Variants in ERGIC1 observed in about 807,000 individuals in gnomAD.
ERGIC1 encodes the protein endoplasmic reticulum-golgi intermediate compartment 1, also known as endoplasmic reticulum-Golgi intermediate compartment protein 1.
A neutral mutation model predicts 38.3 loss-of-function variants in ERGIC1; 19 were observed. That is an observed-to-expected ratio of 0.50 (90% CI 0.35 to 0.73). The LOEUF (loss-of-function observed/expected upper bound fraction) is 0.73. Ranked by LOEUF, ERGIC1 falls within the 30% of genes least tolerant of loss-of-function variation. The probability of loss-of-function intolerance (pLI) is 0.01; values close to 1 mark genes in which losing one functional copy is unlikely to be tolerated. For missense variants in ERGIC1, 294 were observed against 389.2 expected, an observed-to-expected ratio of 0.76 and a Z score of 2.06; for synonymous variants, 124 against 157.6, an observed-to-expected ratio of 0.79 and a Z score of 1.60.
Position 172,877,463 on chromosome 5 carries a change from T to A in ERGIC1, c.21-11236T>A, listed in dbSNP as rs1278151486. 3.6e-3 allele frequency among the ~76,000 whole-genome samples: 480 copies of A among 134,748 alleles called. 6 individuals are homozygous for A. The highest frequency in any genetic ancestry group is 0.011 in the African/African-American group (404 of 36,418). The allele number at this position is 134,748 out of a possible 152,430, so 88.4% of individuals were successfully genotyped here. A position where few individuals can be genotyped will look rare whatever the true frequency, so the allele number is the denominator to read the frequency against. On this transcript the variant is annotated intron_variant, in intron 1 of 9. Coordinates refer to ENST00000393784, the MANE Select transcript of ERGIC1 (RefSeq NM_001031711.3). ...GTGTATATATATATATATATATTTTTTTTTTTTTTTTTTGAGATGGAGTTT... is the reference window on the plus strand; with the variant it reads ...GTGTATATATATATATATATATTTTATTTTTTTTTTTTTGAGATGGAGTTT...
chr5:172,887,541 T>G (rs1264913012), intron 1 of ERGIC1, among the ~76,000 whole-genome samples: 1 of 152,178 alleles, frequency 6.6e-6, no homozygotes, highest in Admixed American at 6.5e-5. Flanking sequence ...GAAGGTCACA[T>G]GGTGAACGAG....
intron 1 of ERGIC1, among the ~76,000 whole-genome samples, chr5:172,868,770 TAGTG>T (rs750971010): frequency 2.9e-4 from 44 of 152,316 alleles, no homozygotes; most frequent in Admixed American, 9.2e-4. Context: ...AGGATGTTGA[TAGTG>T]AGGGAGGCTG....
At chr5:172,914,891 C>G (rs778584370) in intron 5 of ERGIC1, 53 bp downstream of exon 5, 1 of 1,502,154 alleles carries the variant, frequency 6.7e-7, no homozygotes. Flanking sequence ...CCTGCTGTCT[C>G]CCCGCTCCCT....
intron 1 of ERGIC1, among the ~76,000 whole-genome samples, chr5:172,865,034 T>A (rs1761817595): frequency 6.7e-6 from 1 of 148,230 alleles, no homozygotes; most frequent in Non-Finnish European, 1.5e-5. Context: ...AATATCAAAT[T>A]GCTATAGAAA....
Position 172,914,801 on chromosome 5 carries a change from C to G in ERGIC1, c.338C>G (p.Ala113Gly). Residue 113 changes from alanine to glycine, a missense_variant, in exon 5 of 10, where the codon GCA (alanine) becomes GGA (glycine). This residue lies in a region of ERGIC1 where 163 missense variants were observed against 225.8 expected (regional missense o/e 0.72). Transcript: ENST00000393784. ...ATGAAGATCCCGCTGAACAATGGGG[C>G]AGGCTGCCGCTTCGAGGGGCAGTTC... ...NSMKIPLNNG[A>G]GCRFEGQFSI... 1 of 1,614,210 alleles carries G rather than the reference C, an allele frequency of 6.2e-7. No homozygotes were observed. Among genetic ancestry groups the G allele is most frequent in the Non-Finnish European group, 8.5e-7 (1 of 1,180,050 alleles).
At chr5:172,863,230 C>T (rs1391716904) in intron 1 of ERGIC1, among the ~76,000 whole-genome samples, 4 of 152,186 alleles carry the variant, frequency 2.6e-5, no homozygotes, top group Non-Finnish European at 4.4e-5. Flanking sequence ...GGATTACAGG[C>T]GTGAGCCATC....
chr5:172,903,906 T>C (rs966300465), intron 3 of ERGIC1, among the ~76,000 whole-genome samples: 9 of 151,398 alleles, frequency 5.9e-5, no homozygotes, highest in African/African-American at 2.2e-4. Context: ...CCTGCACTGC[T>C]GTATTTTCTT....
chr5:172,885,266 A>G (rs1047678826), intron 1 of ERGIC1, among the ~76,000 whole-genome samples: 6 of 151,664 alleles, frequency 4.0e-5, no homozygotes, highest in Non-Finnish European at 8.8e-5. Flanking sequence ...ACTAGCTGGG[A>G]CTACAGGCGC....
At chr5:172,913,456 T>C (rs541316395) in intron 4 of ERGIC1, among the ~76,000 whole-genome samples, 1 of 152,368 alleles carries the variant, frequency 6.6e-6, no homozygotes, top group African/African-American at 2.4e-5. Flanking sequence ...GCATTTCCCA[T>C]GTCCTGTGGA....
chr5:172,947,370 A>T (rs141702132), intron 9 of ERGIC1, among the ~76,000 whole-genome samples: 2,612 of 152,056 alleles, frequency 0.017, 76 homozygotes, highest in African/African-American at 0.059. Flanking sequence ...AGAGATGGGG[A>T]TCTCACTGTT....
At chr5:172,842,474 T>C (rs894007406) in intron 1 of ERGIC1, among the ~76,000 whole-genome samples, 6 of 152,230 alleles carry the variant, frequency 3.9e-5, no homozygotes, top group African/African-American at 1.4e-4. Context: ...AATGCTGCAG[T>C]GAGCATGGGA....
rs187927244 is a variant in ERGIC1, at chr5:172,911,369, A to C, written c.250+1608A>C. Among the ~76,000 whole-genome samples, 171 of 152,300 alleles carry C rather than the reference A, an allele frequency of 1.1e-3. 1 individual carries two copies. Among genetic ancestry groups the C allele is most frequent in the African/African-American group, 3.9e-3 (163 of 41,570 alleles). On this transcript the variant is annotated intron_variant, in intron 4 of 9. Coordinates refer to ENST00000393784, the MANE Select transcript of ERGIC1 (RefSeq NM_001031711.3). ...CAGGAGTGACTGTATCTCTGGAACA[A>C]GGAAATTCTTAGTCAGACCAGAGGA...
intron 4 of ERGIC1, among the ~76,000 whole-genome samples, chr5:172,913,932 T>TCTG (rs1364587441): frequency 6.6e-6 from 1 of 152,048 alleles, no homozygotes. Flanking sequence ...ATTCACCCCA[T>TCTG]AAACCCAAAA....
At chr5:172,923,015 G>A (rs900342392) in intron 5 of ERGIC1, among the ~76,000 whole-genome samples, 4 of 152,078 alleles carry the variant, frequency 2.6e-5, no homozygotes, top group East Asian at 3.9e-4. Flanking sequence ...TGGATGGGAC[G>A]TCGGGAGTGA....
At chr5:172,847,119 C>T (rs1761298131) in intron 1 of ERGIC1, among the ~76,000 whole-genome samples, 1 of 152,164 alleles carries the variant, frequency 6.6e-6, no homozygotes, top group South Asian at 2.1e-4. Context: ...GTGCTCCGCT[C>T]CCCCTGGGTA....
chr5:172,857,880 T>C (rs1177676151), intron 1 of ERGIC1, among the ~76,000 whole-genome samples: 1 of 152,124 alleles, frequency 6.6e-6, no homozygotes, highest in Non-Finnish European at 1.5e-5. Flanking sequence ...ATTCGCTCAT[T>C]CATTCATACA....
At position 172,865,128 on chromosome 5, in the gene ERGIC1, C is replaced by T. The variant is rs1761821393; in HGVS notation, c.21-23571C>T. 2.7e-5 allele frequency among the ~76,000 whole-genome samples: 4 copies of T among 146,372 alleles called. No individual in the cohort carries two copies. The Admixed American group carries it at 2.9e-4, about 11-fold the overall frequency. On this transcript the variant is annotated intron_variant, in intron 1 of 9. Transcript: ENST00000393784. ...GGAGTGCAATGGCACGATCTCGGCT[C>T]ACGGCACCCTCTACTTTCTGGGTTC...
chr5:172,903,855 C>G (rs1189183589), intron 3 of ERGIC1, among the ~76,000 whole-genome samples: 1 of 151,882 alleles, frequency 6.6e-6, no homozygotes, highest in Non-Finnish European at 1.5e-5. Flanking sequence ...GGCTTTGAAC[C>G]CTGGTAGCCT....
chr5:172,876,813 A>G (rs1435215548), intron 1 of ERGIC1, among the ~76,000 whole-genome samples: 1 of 152,106 alleles, frequency 6.6e-6, no homozygotes, highest in Non-Finnish European at 1.5e-5. Flanking sequence ...TATAGACAGA[A>G]CCATACCATA....
Sources: gnomAD v4.1 joint callset for allele counts (sites outside exome capture counted in the v4.1 genomes callset) on GRCh38, gnomAD v4.1.1 for gene constraint, gnomAD v4.1.1 regional missense constraint, MANE v1.5 for transcripts, NCBI Gene and HGNC (gene_info 2026-07-23, HGNC 2026-07-21) for gene names.